Variants in SUGCT observed in about 807,000 individuals in gnomAD.
SUGCT encodes the protein succinyl-CoA:glutarate-CoA transferase.
In SUGCT, 41 loss-of-function variants were observed where a neutral mutation model predicts 55.0. That is an observed-to-expected ratio of 0.74 (90% CI 0.58 to 0.97). The LOEUF is 0.97. Among genes scored for constraint, SUGCT ranks in the 50% least tolerant of loss-of-function variants. SUGCT has a pLI of 0.00. For synonymous variants in SUGCT, 187 were observed against 200.4 expected (o/e 0.93, Z 0.56); for missense variants, 568 against 547.8 (o/e 1.04, Z -0.37).
At chr7:40,788,691 T>C (rs1790158876) in intron 13 of SUGCT, among the ~76,000 whole-genome samples, 1 of 152,224 alleles carries the variant, frequency 6.6e-6, no homozygotes, top group Non-Finnish European at 1.5e-5. Context: ...GCCTTTGCTT[T>C]CCACATGACC....
chr7:41,028,287 G>C, the SUGCT span, among the ~76,000 whole-genome samples: 3 of 152,244 alleles, frequency 2.0e-5, no homozygotes, highest in African/African-American at 4.8e-5. Context: ...TGGAATAAGA[G>C]CGGTCAAAGA....
chr7:40,474,307 G>GT (rs1387947725), intron 11 of SUGCT, among the ~76,000 whole-genome samples: 2 of 152,106 alleles, frequency 1.3e-5, no homozygotes. Flanking sequence ...GGTATTGAGT[G>GT]TGGGGGGCAG....
intron 11 of SUGCT, among the ~76,000 whole-genome samples, chr7:40,465,774 T>C (rs1402729315): frequency 6.6e-6 from 1 of 152,186 alleles, no homozygotes; most frequent in Non-Finnish European, 1.5e-5. Flanking sequence ...GTCCCTATAC[T>C]GAATGTCAAT....
chr7:40,925,274 C>T, the SUGCT span, among the ~76,000 whole-genome samples: 3 of 152,184 alleles, frequency 2.0e-5, no homozygotes, highest in South Asian at 6.2e-4. Flanking sequence ...GGTTTCTTAT[C>T]TTATGGGATG....
At chr7:40,262,236 G>A (rs939104127) in intron 7 of SUGCT, among the ~76,000 whole-genome samples, 1 of 152,110 alleles carries the variant, frequency 6.6e-6, no homozygotes, top group African/African-American at 2.4e-5. Context: ...TTGTTCAGAT[G>A]GTAAAAGCAT....
chr7:40,418,917 T>G (rs1157564245), intron 9 of SUGCT, among the ~76,000 whole-genome samples: 4 of 152,192 alleles, frequency 2.6e-5, no homozygotes, highest in African/African-American at 9.7e-5. Flanking sequence ...GTAACGTACT[T>G]GTAACCAGCA....
intron 9 of SUGCT, among the ~76,000 whole-genome samples, chr7:40,353,605 T>A (rs1369721820): frequency 2.6e-5 from 4 of 152,220 alleles, no homozygotes; most frequent in Non-Finnish European, 4.4e-5. Flanking sequence ...CCATTTTCTG[T>A]GCTTTACATC....
intron 12 of SUGCT, chr7:40,683,939 C>A: frequency 1.4e-6 from 2 of 1,446,506 alleles, no homozygotes; most frequent in Non-Finnish European, 1.9e-6. Context: ...CAGATGTATT[C>A]CTTTCTGGAG....
At chr7:40,233,249 T>G (rs1654090561) in intron 6 of SUGCT, among the ~76,000 whole-genome samples, 1 of 152,098 alleles carries the variant, frequency 6.6e-6, no homozygotes, top group South Asian at 2.1e-4. Flanking sequence ...AGATGGAGTC[T>G]TGCCCTGTCG....
rs76117676 is a variant in SUGCT at position 40,481,009 on chromosome 7, T to A, written c.987-15275T>A. Among the ~76,000 whole-genome samples the A allele has an allele frequency of 1.1e-3, 175 of 152,236 alleles. 1 individual carries two copies. The East Asian group carries it at 0.03, about 26-fold the overall frequency. The stretch of plus-strand genomic sequence containing the variant: ...ATGACCATTAAACATGGGGGCAGCA[T>A]AATCAACATTTTTTAAAAAATCAAG... On this transcript the variant is annotated intron_variant, in intron 11 of 13. Transcript: ENST00000335693.
intron 13 of SUGCT, among the ~76,000 whole-genome samples, chr7:40,756,447 C>T (rs1237202665): frequency 1.3e-5 from 2 of 152,112 alleles, no homozygotes; most frequent in East Asian, 3.8e-4. Context: ...GAGTAACTGC[C>T]TTGTATTTTC....
intron 12 of SUGCT, among the ~76,000 whole-genome samples, chr7:40,624,783 A>G (rs1455004076): frequency 7.2e-6 from 1 of 138,698 alleles, no homozygotes; most frequent in Non-Finnish European, 1.6e-5. Flanking sequence ...ACACACACAC[A>G]CACACACACA....
At chr7:40,681,701 A>G (rs1158437373) in intron 12 of SUGCT, among the ~76,000 whole-genome samples, 1 of 152,124 alleles carries the variant, frequency 6.6e-6, no homozygotes, top group Non-Finnish European at 1.5e-5. Context: ...CATTGGTTTG[A>G]CCTCAAAAGG....
At position 40,272,141 on chromosome 7, in the gene SUGCT, CATATATATATATATATATATATATATAT is replaced by C. The variant is rs58480323; in HGVS notation, c.577-2346_577-2319del. Among the ~76,000 whole-genome samples the C allele has an allele frequency of 2.1e-3, 99 of 46,750 alleles. 5 individuals are homozygous for C. The highest frequency in any genetic ancestry group is 3.8e-3 in the African/African-American group (69 of 17,938). The allele number at this position is 46,750 out of a possible 152,430, so 30.7% of individuals were successfully genotyped here. ...TGTTTCAAAAACAACTGCAATGTGA[CATATATATATATATATATATATATATAT>C]ATATATATATATATATATATATATA... On this transcript the variant is annotated intron_variant, in intron 7 of 13. Transcript: ENST00000335693.
At chr7:40,705,935 A>G (rs1410453817) in intron 12 of SUGCT, among the ~76,000 whole-genome samples, 1 of 152,084 alleles carries the variant, frequency 6.6e-6, no homozygotes, top group Admixed American at 6.6e-5. Flanking sequence ...TAATTTCCTT[A>G]ATTTTTCTTT....
chr7:40,191,931 A>G lies in SUGCT; in HGVS notation c.363+2337A>G, dbSNP rs150836015. Among the ~76,000 whole-genome samples the G allele has an allele frequency of 4.4e-3, 675 of 152,096 alleles. 5 individuals are homozygous for G. The highest frequency in any genetic ancestry group is 0.015 in the African/African-American group (625 of 41,510). ...GAGACCAGCCTGGCCAACATGGTGA[A>G]ACCCTGTCTCTACTAGAAATGCAAA... On this transcript the variant is annotated intron_variant, in intron 5 of 13. Transcript: ENST00000335693.
intron 12 of SUGCT, among the ~76,000 whole-genome samples, chr7:40,712,387 A>G (rs1003133730): frequency 2.6e-5 from 4 of 152,250 alleles, no homozygotes; most frequent in Non-Finnish European, 5.9e-5. Flanking sequence ...TGCATCAGGC[A>G]GAACTGGAAA....
chr7:40,440,368 C>G (rs900497526), intron 9 of SUGCT, among the ~76,000 whole-genome samples: 1 of 151,698 alleles, frequency 6.6e-6, no homozygotes, highest in East Asian at 1.9e-4. Context: ...CTAATGTTGG[C>G]CAGGCTGGTC....
At chr7:40,411,315 C>T (rs1786673976) in intron 9 of SUGCT, among the ~76,000 whole-genome samples, 1 of 152,192 alleles carries the variant, frequency 6.6e-6, no homozygotes, top group African/African-American at 2.4e-5. Flanking sequence ...ATCGCTTGAG[C>T]CTGGGCAGCG....
Sources: gnomAD v4.1 joint callset for allele counts (sites outside exome capture counted in the v4.1 genomes callset) on GRCh38, gnomAD v4.1.1 for gene constraint, MANE v1.5 for transcripts, NCBI Gene and HGNC (gene_info 2026-07-23, HGNC 2026-07-21) for gene names.